The following AZIN1 variants were observed in gnomAD, a reference collection of about 807,000 sequenced individuals.
AZIN1 encodes antizyme inhibitor 1, also known as ornithine decarboxylase antizyme inhibitor.
AZIN1 carries 12 observed loss-of-function variants against 47.4 expected under a neutral mutation model. That is an observed-to-expected ratio of 0.25 (90% CI 0.16 to 0.41). The LOEUF (loss-of-function observed/expected upper bound fraction) is 0.41. AZIN1 is among the 10% of genes least tolerant of loss of function. The pLI, the probability that AZIN1 is intolerant of heterozygous loss-of-function variation, is 1.00. For synonymous variants in AZIN1, 155 were observed against 176.3 expected, an observed-to-expected ratio of 0.88 and a Z score of 0.96; for missense variants, 410 against 532.4, an observed-to-expected ratio of 0.77 and a Z score of 2.26.
At chr8:102,845,140 C>A (rs888203106) in intron 2 of AZIN1, among the ~76,000 whole-genome samples, 4 of 152,050 alleles carry the variant, frequency 2.6e-5, no homozygotes, top group African/African-American at 9.7e-5. Context: ...CCACCACCCC[C>A]CTCCACCCTC....
rs1811327604 is a variant in AZIN1 at position 102,829,935 on chromosome 8, TA to T, written c.905del (p.Val302GlufsTer15). ...VVENDKFPSG[V>X]EKTGSDEPAF... ...CTGGTTCATCACTTCCGGTTTTTTC[TA>T]CTGGAATAAAACAGGAAAGGGGAAA... is the stretch of plus-strand genomic sequence containing the variant. On this transcript the variant is annotated frameshift_variant and splice_region_variant, in exon 10 of 12. Coordinates refer to ENST00000337198, the MANE Select transcript of AZIN1 (RefSeq NM_148174.4). LOFTEE classifies it high-confidence loss of function. The T allele has an allele frequency of 6.3e-7, 1 of 1,582,112 alleles. No homozygotes were observed. The highest frequency in any genetic ancestry group is 8.6e-7 in the Non-Finnish European group (1 of 1,157,288).
chr8:102,858,371 T>C (rs917181337), intron 1 of AZIN1, among the ~76,000 whole-genome samples: 2 of 152,226 alleles, frequency 1.3e-5, no homozygotes, highest in African/African-American at 2.4e-5. Flanking sequence ...CTTGATGTCA[T>C]AGCCATCTTA....
chr8:102,861,765 G>A (rs1243944265), intron 1 of AZIN1, among the ~76,000 whole-genome samples: 3 of 151,894 alleles, frequency 2.0e-5, no homozygotes, highest in East Asian at 3.9e-4. Flanking sequence ...AAGATCAGCC[G>A]GGCGCAGTGG....
intron 2 of AZIN1, among the ~76,000 whole-genome samples, chr8:102,846,260 C>T (rs2679749): frequency 0.38 from 57,147 of 152,018 alleles, 11,692 homozygotes; most frequent in South Asian, 0.46. Context: ...AAACATCAGG[C>T]CCACTGGATC....
chr8:102,850,588 C>G (rs1391013150), intron 2 of AZIN1, among the ~76,000 whole-genome samples: 1 of 152,090 alleles, frequency 6.6e-6, no homozygotes, highest in Non-Finnish European at 1.5e-5. Flanking sequence ...GGTAGGAAAT[C>G]CTATAAATTT....
chr8:102,857,952 G>A (rs80331549), intron 2 of AZIN1, 61 bp downstream of exon 2: 9,127 of 398,458 alleles, frequency 0.023, 737 homozygotes, highest in East Asian at 0.22. Flanking sequence ...ACTAAGCAAG[G>A]CAGCACTCTT....
At chr8:102,836,413 G>A in intron 5 of AZIN1, 23 bp from the exon 6 acceptor site, 9 of 1,611,716 alleles carry the variant, frequency 5.6e-6, no homozygotes, top group Non-Finnish European at 7.6e-6. Flanking sequence ...GAGATGATTG[G>A]GGCAGAGTTG....
At position 102,843,758 on chromosome 8, in the gene AZIN1, A is replaced by T; in HGVS notation, c.-95-11T>A. On this transcript the variant is annotated splice_polypyrimidine_tract_variant and intron_variant, in intron 2 of 11. Transcript: ENST00000337198. ...AGAATATGCAACAAACTGTCAAAAT[A>T]TAAGTTATATAAAAGTCTGTATTAT... 6.7e-7 allele frequency: 1 copy of T among 1,490,192 alleles called. No homozygotes were observed. Among genetic ancestry groups the T allele is most frequent in the Non-Finnish European group, 8.9e-7 (1 of 1,121,784 alleles). The allele number at this position is 1,490,192 out of a possible 1,614,324, so 92.3% of individuals were successfully genotyped here. A position where few individuals can be genotyped will look rare whatever the true frequency, so the allele number is the denominator to read the frequency against.
At chr8:102,862,373 T>C (rs1293942995) in intron 1 of AZIN1, among the ~76,000 whole-genome samples, 1 of 152,132 alleles carries the variant, frequency 6.6e-6, no homozygotes, top group African/African-American at 2.4e-5. Flanking sequence ...GTATAACTCT[T>C]TTTCACCTTC....
intron 5 of AZIN1, among the ~76,000 whole-genome samples, chr8:102,837,740 C>T (rs1172950909): frequency 6.6e-6 from 1 of 152,154 alleles, no homozygotes; most frequent in Non-Finnish European, 1.5e-5. Flanking sequence ...ATCTTAAGTA[C>T]ACCATTAAAG....
chr8:102,861,518 G>T (rs1211349098), intron 1 of AZIN1, among the ~76,000 whole-genome samples: 1 of 151,580 alleles, frequency 6.6e-6, no homozygotes, highest in Non-Finnish European at 1.5e-5. Flanking sequence ...CACCGCGCCC[G>T]GCCTAATAAA....
chr8:102,844,257 A>G (rs1245292471), intron 2 of AZIN1, among the ~76,000 whole-genome samples: 1 of 152,176 alleles, frequency 6.6e-6, no homozygotes, highest in African/African-American at 2.4e-5. Flanking sequence ...CTGTAATCCC[A>G]GCACTTTGAG....
At chr8:102,836,464 AG>A (rs1326454053) in intron 5 of AZIN1, 74 bp from the exon 6 acceptor site, 4 of 1,499,954 alleles carry the variant, frequency 2.7e-6, no homozygotes, top group African/African-American at 1.4e-5. Context: ...TGAAGATTGT[AG>A]GAAGTGTGTT....
intron 7 of AZIN1, 55 bp from the exon 8 acceptor site, chr8:102,834,318 A>C (rs1057255978): frequency 6.9e-7 from 1 of 1,441,712 alleles, no homozygotes; most frequent in Non-Finnish European, 9.6e-7. Context: ...TGGATATGAG[A>C]ACATTTTAAA....
At chr8:102,863,091 G>C (rs1360061025) in intron 1 of AZIN1, among the ~76,000 whole-genome samples, 1 of 152,244 alleles carries the variant, frequency 6.6e-6, no homozygotes, top group South Asian at 2.1e-4. Context: ...GAGCGCCGCA[G>C]GGGCGGAGCA....
chr8:102,860,209 GCA>G (rs1208057733), intron 1 of AZIN1, among the ~76,000 whole-genome samples: 2 of 152,190 alleles, frequency 1.3e-5, no homozygotes, highest in Non-Finnish European at 2.9e-5. Context: ...TTAGAGAATA[GCA>G]CAGAGAGGGC....
At chr8:102,844,735 A>G (rs116476872) in intron 2 of AZIN1, among the ~76,000 whole-genome samples, 64 of 152,332 alleles carry the variant, frequency 4.2e-4, no homozygotes, top group African/African-American at 1.5e-3. Context: ...TGCAAAAATA[A>G]CACAATTAGA....
chr8:102,853,608 T>C (rs1017371621), intron 2 of AZIN1, among the ~76,000 whole-genome samples: 7 of 152,206 alleles, frequency 4.6e-5, no homozygotes, highest in African/African-American at 9.6e-5. Flanking sequence ...CTCTAAAACC[T>C]TGTTTATCCA....
chr8:102,858,314 A>G (rs1427252375), intron 1 of AZIN1, among the ~76,000 whole-genome samples, 164 bp from the exon 2 acceptor site: 1 of 152,244 alleles, frequency 6.6e-6, no homozygotes, highest in African/African-American at 2.4e-5. Flanking sequence ...AGTACCAAGT[A>G]CTTTATGCAG....
Sources: gnomAD v4.1 joint callset for allele counts (sites outside exome capture counted in the v4.1 genomes callset) on GRCh38, gnomAD v4.1.1 for gene constraint, MANE v1.5 for transcripts, NCBI Gene and HGNC (gene_info 2026-07-23, HGNC 2026-07-21) for gene names.